Variants in ASPM observed in about 807,000 individuals in gnomAD.
ASPM encodes abnormal spindle-like microcephaly-associated protein.
Under a neutral mutation model 366.4 loss-of-function variants are expected in ASPM, and 256 were observed. The ratio of observed to expected loss-of-function variants is 0.70; its 90% CI spans 0.63 to 0.77. ASPM has a LOEUF of 0.77. ASPM is among the 30% of genes least tolerant of loss of function. ASPM has a pLI of 0.00. For missense variants in ASPM, 4,146 were observed against 4,090.4 expected (o/e 1.01, Z -0.37); for synonymous variants, 1,414 against 1,342.9 (o/e 1.05, Z -1.16).
rs1248007633 is a variant in ASPM at position 197,102,104 on chromosome 1, T to C, written c.7147A>G (p.Arg2383Gly). Reference protein sequence around the residue: ...AAKLQRQHYLRQRHSAVILQA... With the variant: ...AAKLQRQHYLGQRHSAVILQA... ...AGGATCACAGCAGAGTGTCTTTGTCTGAGATAATGCTGCCTCTGCAGTTTT... is the reference window on the plus strand; with the variant it reads ...AGGATCACAGCAGAGTGTCTTTGTCCGAGATAATGCTGCCTCTGCAGTTTT... The change falls in exon 18 of 28, where the codon AGA (arginine) becomes GGA (glycine). Residue 2383 changes from arginine to glycine, a missense_variant. Physicochemically the swap from Arg to Gly is moderately radical, Grantham distance 125. Around this residue, in one of 3 missense-constraint regions of ASPM, gnomAD observed 3,624 missense variants for 3,591.7 expected, o/e 1.01. Coordinates refer to ENST00000367409, the MANE Select transcript of ASPM (RefSeq NM_018136.5). 1 of 1,612,916 alleles carries C rather than the reference T, an allele frequency of 6.2e-7. No individual in the cohort carries two copies. The highest frequency in any genetic ancestry group is 1.3e-5 in the African/African-American group (1 of 74,824).
intron 17 of ASPM, among the ~76,000 whole-genome samples, chr1:197,109,272 C>T (rs991806884): frequency 6.6e-6 from 1 of 151,878 alleles, no homozygotes; most frequent in Non-Finnish European, 1.5e-5. Flanking sequence ...TACACAGATG[C>T]AAAACTCTTC....
Position 197,105,150 on chromosome 1 carries a change from A to T in ASPM, c.4101T>A (p.Phe1367Leu), listed in dbSNP as rs759226461. ...TGATTGAATAATATTTCAATTTCAGAAATCTTTGTCTAGTGGAATATCTTC... is the reference window on the plus strand; with the variant it reads ...TGATTGAATAATATTTCAATTTCAGTAATCTTTGTCTAGTGGAATATCTTC... ...YWRRYSTRQR[F>L]LKLKYYSIIL... is the part of the protein sequence containing the mutation. Residue 1367 changes from phenylalanine (F) to leucine (L), a missense_variant, in exon 18 of 28, where the codon TTT becomes TTA. This residue lies in a region of ASPM where 3,624 missense variants were observed against 3,591.7 expected (regional missense o/e 1.01). Coordinates refer to ENST00000367409, the MANE Select transcript of ASPM (RefSeq NM_018136.5). The T allele has an allele frequency of 1.7e-5, 27 of 1,608,782 alleles. No individual in the cohort carries two copies. The East Asian group carries it at 2.7e-4, about 16-fold the overall frequency.
Position 197,128,634 on chromosome 1 carries a change from C to T in ASPM, c.2792G>A (p.Arg931Gln), listed in dbSNP as rs764854489. ...ASKEILLAFSRDFLSGEGDLS... is the reference protein window; with the variant it reads ...ASKEILLAFSQDFLSGEGDLS... Reference sequence around the variant, plus strand: ...GTCACCTTCACCACTTAGGAAATCTCGTGAAAAAGCCAAAAGGATTTCTTT... The same window carrying T: ...GTCACCTTCACCACTTAGGAAATCTTGTGAAAAAGCCAAAAGGATTTCTTT... The change falls in exon 10 of 28, where the codon CGA (arginine) becomes CAA (glutamine). Residue 931 changes from arginine (R) to glutamine (Q), a missense_variant. Physicochemically the swap from Arg to Gln is conservative, Grantham distance 43 (BLOSUM62 1). Transcript: ENST00000367409. 6.8e-6 allele frequency: 11 copies of T among 1,613,058 alleles called. No homozygotes were observed. The highest frequency in any genetic ancestry group is 1.7e-5 in the Admixed American group (1 of 59,944).
rs1287603898 is a variant in ASPM at position 197,090,245 on chromosome 1, A to C, written c.9780T>G (p.Leu3260=). 6.2e-7 allele frequency: 1 copy of C among 1,613,592 alleles called. No homozygotes were observed. Among genetic ancestry groups the C allele is most frequent in the Non-Finnish European group, 8.5e-7 (1 of 1,179,706 alleles). ...TGGCAGAAAGGTGCTTATATGTCAA[A>C]AGGTAATGAAGTGCAAGTGCAGTTC... ...YKRTALALHY[L]LTYKHLSAIL... Residue 3260 remains leucine (L), a synonymous_variant, in exon 24 of 28, where the codon CTT becomes CTG. Coordinates refer to ENST00000367409, the MANE Select transcript of ASPM (RefSeq NM_018136.5).
intron 12 of ASPM, among the ~76,000 whole-genome samples, 192 bp downstream of exon 12, chr1:197,124,678 A>C (rs1296596855): frequency 6.6e-6 from 1 of 151,694 alleles, no homozygotes; most frequent in Non-Finnish European, 1.5e-5. Flanking sequence ...TGTGGTGAAG[A>C]TTAGATTGAA....
In ASPM at chr1:197,090,307, TAAC is replaced by T; in HGVS notation, c.9715_9717del (p.Val3239del). On this transcript the variant is annotated inframe_deletion, in exon 24 of 28. Transcript: ENST00000367409. ...TTGTTTTCTTCTCGAATCTCCCTAT[TAAC>T]AACTTGAAGACTTAGTCGTATAGCT... 6.2e-7 allele frequency: 1 copy of T among 1,612,972 alleles called. No individual in the cohort carries two copies. The highest frequency in any genetic ancestry group is 1.7e-4 in the Middle Eastern group (1 of 6,052).
chr1:197,134,440 A>G (rs1238561416), intron 5 of ASPM, among the ~76,000 whole-genome samples: 1 of 151,808 alleles, frequency 6.6e-6, no homozygotes, highest in Non-Finnish European at 1.5e-5. Context: ...AAAATCCTAT[A>G]CACGCGCTTC....
chr1:197,102,176 G>C lies in ASPM; in HGVS notation c.7075C>G (p.Gln2359Glu), dbSNP rs1322371601. The C allele has an allele frequency of 6.2e-7, 1 of 1,612,790 alleles. No individual in the cohort carries two copies. The highest frequency in any genetic ancestry group is 1.1e-5 in the South Asian group (1 of 91,052). Residue 2359 changes from glutamine to glutamate, a missense_variant, in exon 18 of 28, where the codon CAG (glutamine) becomes GAG (glutamate). Physicochemically the swap from Gln to Glu is conservative, Grantham distance 29. This residue lies in a region of ASPM where 3,624 missense variants were observed against 3,591.7 expected (regional missense o/e 1.01). Coordinates refer to ENST00000367409, the MANE Select transcript of ASPM (RefSeq NM_018136.5). The part of the protein sequence containing the change: ...RLHMRYQALK[Q>E]ASVVIQQQYQ... ...TGCTGTTGGATCACAACGGAGGCCT[G>C]TTTCAAAGCCTGATATCTCATATGT...
At position 197,146,360 on chromosome 1, in the gene ASPM, G is replaced by A; in HGVS notation, c.78C>T (p.Gly26=). 5.6e-6 allele frequency: 9 copies of A among 1,607,952 alleles called. No homozygotes were observed. The highest frequency in any genetic ancestry group is 7.6e-6 in the Non-Finnish European group (9 of 1,178,358). ...AAGACGCCTCCTCCTCGGCCGCGGG[G>A]CCCCGCAGCCCCGCGGGCGGCCTCC... ...TERRPPAGLR[G]PAAEEEASSP... Residue 26 remains glycine, a synonymous_variant, in exon 1 of 28, where the codon GGC becomes GGT. Transcript: ENST00000367409.
rs758374845 is a variant in ASPM at position 197,086,862 on chromosome 1, ATTC to A, written c.10269_10271del (p.Lys3423del). On this transcript the variant is annotated inframe_deletion, in exon 27 of 28. Coordinates refer to ENST00000367409, the MANE Select transcript of ASPM (RefSeq NM_018136.5). Reference sequence around the variant, plus strand: ...GGATAAAAGGAATGCTTATAGAAGAATTCTTCTTTTGCTTGTAAAGTATTCTTT... The same window carrying A: ...GGATAAAAGGAATGCTTATAGAAGAATTCTTTTGCTTGTAAAGTATTCTTT... 1 of 1,612,070 alleles carries A rather than the reference ATTC, an allele frequency of 6.2e-7. No individual in the cohort carries two copies. The highest frequency in any genetic ancestry group is 1.3e-5 in the African/African-American group (1 of 74,892).
At chr1:197,118,150 G>A (rs1476248868) in intron 16 of ASPM, among the ~76,000 whole-genome samples, 167 bp from the exon 17 acceptor site, 3 of 152,056 alleles carry the variant, frequency 2.0e-5, no homozygotes, top group South Asian at 2.1e-4. Context: ...CAGGCATGTC[G>A]AAAGCGCTGA....
At position 197,102,206 on chromosome 1, in the gene ASPM, T is replaced by A. The variant is rs771273638; in HGVS notation, c.7045A>T (p.Arg2349Ter). The part of the protein sequence containing the change: ...TFIQSTFRMH[R>*]LHMRYQALKQ... Reference sequence around the variant, plus strand: ...AAAGCCTGATATCTCATATGTAATCTGTGCATTCTGAAAGTAGACTGGATG... The same window carrying A: ...AAAGCCTGATATCTCATATGTAATCAGTGCATTCTGAAAGTAGACTGGATG... Residue 2349 changes from arginine (R) to a stop codon, truncating the protein, a stop_gained, in exon 18 of 28, where the codon AGA (arginine) becomes TGA (stop). Transcript: ENST00000367409. LOFTEE classifies it high-confidence loss of function. The A allele has an allele frequency of 4.3e-6, 7 of 1,612,696 alleles. No homozygotes were observed. Among genetic ancestry groups the A allele is most frequent in the Non-Finnish European group, 4.2e-6 (5 of 1,179,286 alleles).
intron 17 of ASPM, among the ~76,000 whole-genome samples, chr1:197,106,580 C>T (rs886325009): frequency 6.6e-6 from 1 of 151,998 alleles, no homozygotes; most frequent in African/African-American, 2.4e-5. Context: ...ACTATTACTA[C>T]TCCATTACTG....
chr1:197,105,236 T>C, intron 17 of ASPM, 51 bp from the exon 18 acceptor site: 1 of 1,374,446 alleles, frequency 7.3e-7, no homozygotes, highest in Non-Finnish European at 1.0e-6. Context: ...GCTTTCTATA[T>C]TTAACACTTT....
chr1:197,112,112 T>C lies in ASPM; in HGVS notation c.4065+5677A>G, dbSNP rs147919005. 4.1e-3 allele frequency among the ~76,000 whole-genome samples: 623 copies of C among 152,300 alleles called. 7 individuals carry two copies. Among genetic ancestry groups the C allele is most frequent in the African/African-American group, 0.013 (539 of 41,574 alleles). ...AGCAAAGACATGGAATCAACCTAAATGTCCATCAATGACAGACTGGATGAA... is the reference window on the plus strand; with the variant it reads ...AGCAAAGACATGGAATCAACCTAAACGTCCATCAATGACAGACTGGATGAA... On this transcript the variant is annotated intron_variant, in intron 17 of 27. Transcript: ENST00000367409.
intron 10 of ASPM, among the ~76,000 whole-genome samples, chr1:197,126,732 A>T (rs969776126): frequency 1.3e-5 from 2 of 152,222 alleles, no homozygotes; most frequent in East Asian, 1.9e-4. Flanking sequence ...ATCAGAAAGA[A>T]AAGAATGTTC....
rs1306158972 is a variant in ASPM at position 197,129,241 on chromosome 1, A to T, written c.2706T>A (p.Ile902=). The T allele has an allele frequency of 6.2e-7, 1 of 1,612,646 alleles. No individual in the cohort carries two copies. ...LLVCFLDYAK[I]SRLIDHDPCL... is the part of the protein sequence containing the mutation. ...AAGGATCATGATCAATGAGTCTGGA[A>T]ATTTTAGCATAATCAAGAAAACAGA... Residue 902 remains isoleucine, a synonymous_variant, in exon 9 of 28, where the codon ATT becomes ATA. Coordinates refer to ENST00000367409, the MANE Select transcript of ASPM (RefSeq NM_018136.5).
chr1:197,123,678 T>C, intron 13 of ASPM, among the ~76,000 whole-genome samples: 1 of 152,162 alleles, frequency 6.6e-6, no homozygotes, highest in East Asian at 1.9e-4. Flanking sequence ...ATATTTACAC[T>C]AAGAAGTATA....
intron 3 of ASPM, among the ~76,000 whole-genome samples, chr1:197,141,639 C>T (rs1469023422): frequency 6.6e-6 from 1 of 152,148 alleles, no homozygotes; most frequent in Admixed American, 6.5e-5. Flanking sequence ...CCATCTCATA[C>T]TTCCTTGCAA....
Sources: gnomAD v4.1 joint callset for allele counts (sites outside exome capture counted in the v4.1 genomes callset) on GRCh38, gnomAD v4.1.1 for gene constraint, gnomAD v4.1.1 regional missense constraint, MANE v1.5 for transcripts, NCBI Gene and HGNC (gene_info 2026-07-23, HGNC 2026-07-21) for gene names.